PCDHGA2: variants seen among roughly 807,000 people sequenced by gnomAD.
PCDHGA2 encodes the protein protocadherin gamma-A2.
Under a neutral mutation model 59.2 loss-of-function variants are expected in PCDHGA2, and 40 were observed. The observed-to-expected ratio is 0.68, with a 90% confidence interval of 0.52 to 0.88. The LOEUF is 0.88. Ranked by LOEUF, PCDHGA2 falls within the 40% of genes least tolerant of loss-of-function variation. PCDHGA2 has a pLI of 0.00. For missense variants in PCDHGA2, 1,226 were observed against 1,204.0 expected (o/e 1.02, Z -0.27); for synonymous variants, 560 against 526.0 (o/e 1.06, Z -0.89).
At position 141,487,329 on chromosome 5, in the gene PCDHGA2, C is replaced by T; in HGVS notation, c.2425-7478C>T. On this transcript the variant is annotated intron_variant, in intron 1 of 3. Coordinates refer to ENST00000394576, the MANE Select transcript of PCDHGA2 (RefSeq NM_018915.4). This position sits in a 1 kb window ranked among gnomAD's most constrained non-coding sequence, Gnocchi z 5.0. Reference sequence around the variant, plus strand: ...CTACTCTCTAAGTGTCTTCGTGGGGCAGCCTGTGGAGTCACATGCTTTCCT... The same window carrying T: ...CTACTCTCTAAGTGTCTTCGTGGGGTAGCCTGTGGAGTCACATGCTTTCCT... 1 of 1,614,170 alleles carries T rather than the reference C, an allele frequency of 6.2e-7. No homozygotes were observed. The highest frequency in any genetic ancestry group is 1.1e-5 in the South Asian group (1 of 91,070).
chr5:141,389,321 G>T (rs570682726), intron 1 of PCDHGA2: 1 of 1,613,982 alleles, frequency 6.2e-7, no homozygotes. Context: ...ATCCGGACTT[G>T]GGGCCCAACG....
rs530001704 is a variant in PCDHGA2, at chr5:141,434,708, ATC to A, written c.2425-60095_2425-60094del. 3.9e-3 allele frequency among the ~76,000 whole-genome samples: 589 copies of A among 152,052 alleles called. 6 individuals are homozygous for A. The highest frequency in any genetic ancestry group is 0.011 in the Admixed American group (170 of 15,250). ...TTGCTGTTAATAAATATGTGGGTAA[ATC>A]TCTGTTCAGGGCTCTCAGCTCTGAA... On this transcript the variant is annotated intron_variant, in intron 1 of 3. Coordinates refer to ENST00000394576, the MANE Select transcript of PCDHGA2 (RefSeq NM_018915.4).
intron 1 of PCDHGA2, chr5:141,410,797 C>T: frequency 3.0e-6 from 2 of 675,992 alleles, no homozygotes; most frequent in South Asian, 3.2e-5. Flanking sequence ...TCATAAGTTG[C>T]TCTATCTTTT....
At position 141,431,303 on chromosome 5, in the gene PCDHGA2, G is replaced by T. The variant is rs777784010; in HGVS notation, c.2425-63504G>T. The T allele has an allele frequency of 1.2e-6, 2 of 1,614,060 alleles. No homozygotes were observed. Among genetic ancestry groups the T allele is most frequent in the Non-Finnish European group, 1.7e-6 (2 of 1,180,038 alleles). On this transcript the variant is annotated intron_variant, in intron 1 of 3. Coordinates refer to ENST00000394576, the MANE Select transcript of PCDHGA2 (RefSeq NM_018915.4). The surrounding 1 kb of genome is among the most constrained non-coding windows in gnomAD (Gnocchi z 4.8). ...CCCGAACACTCACTTCTCCCTCATC[G>T]TGCAAAATGGAGCCGACGGTAGTAA...
At chr5:141,364,210 C>T in intron 1 of PCDHGA2, 1 of 1,234,376 alleles carries the variant, frequency 8.1e-7, no homozygotes, top group East Asian at 2.6e-5. Flanking sequence ...AGACAAGCTC[C>T]TACGAAAAGC....
rs377547144 is a variant in PCDHGA2, at chr5:141,409,030, G to A, written c.2424+67635G>A. The stretch of plus-strand genomic sequence containing the variant: ...ACCAGGATGAGGGGGTCAATGCTGA[G>A]ATAAACTACTACTTCCGAAGCACTG... On this transcript the variant is annotated intron_variant, in intron 1 of 3. Transcript: ENST00000394576. 9.9e-6 allele frequency: 16 copies of A among 1,613,892 alleles called. No homozygotes were observed. The African/African-American group carries it at 2.0e-4, about 20-fold the overall frequency.
chr5:141,432,601 G>C lies in PCDHGA2; in HGVS notation c.2425-62206G>C. The C allele has an allele frequency of 6.2e-7, 1 of 1,613,952 alleles. No homozygotes were observed. The highest frequency in any genetic ancestry group is 8.5e-7 in the Non-Finnish European group (1 of 1,179,984). On this transcript the variant is annotated intron_variant, in intron 1 of 3. Coordinates refer to ENST00000394576, the MANE Select transcript of PCDHGA2 (RefSeq NM_018915.4). The surrounding 1 kb of genome is among the most constrained non-coding windows in gnomAD (Gnocchi z 6.0). ...ACCGTCTGCTCAAGGCCAGCGAGCC[G>C]GGACTCTTCTCGGTGGGTCTGCACA...
Position 141,413,864 on chromosome 5 carries a change from T to C in PCDHGA2, c.2424+72469T>C. 3 of 1,613,398 alleles carry C rather than the reference T, an allele frequency of 1.9e-6. No homozygotes were observed. The Admixed American group carries it at 5.0e-5, about 27-fold the overall frequency. ...GGTGACCCTCTCCGATCTGGCACTG[T>C]CCTTGTCAGTGTGACTGTCTTCGAT... On this transcript the variant is annotated intron_variant, in intron 1 of 3. Transcript: ENST00000394576.
At chr5:141,416,832 A>T (rs2154546669) in intron 1 of PCDHGA2, 1 of 152,168 alleles carries the variant, frequency 6.6e-6, no homozygotes, top group East Asian at 1.9e-4. Context: ...GTTTCTCAAG[A>T]CCCTTATAAT....
At chr5:141,388,569 C>T (rs368780854) in intron 1 of PCDHGA2, 7 of 1,613,862 alleles carry the variant, frequency 4.3e-6, no homozygotes, top group African/African-American at 1.3e-5. Context: ...TGCACAGATA[C>T]ACGTTCTAGT....
chr5:141,414,981 C>G (rs766434004), intron 1 of PCDHGA2: 12 of 1,613,722 alleles, frequency 7.4e-6, no homozygotes, highest in East Asian at 6.7e-5. Flanking sequence ...ACAGAGACTC[C>G]GGCCAGAACG....
chr5:141,409,567 G>A (rs974585499), intron 1 of PCDHGA2: 1 of 1,613,896 alleles, frequency 6.2e-7, no homozygotes, highest in African/African-American at 1.3e-5. Flanking sequence ...TCGACCAGAC[G>A]TCCTACGTGG....
chr5:141,372,258 C>A (rs762173867), intron 1 of PCDHGA2: 22 of 1,612,952 alleles, frequency 1.4e-5, no homozygotes, highest in Non-Finnish European at 1.9e-5. Context: ...CCTGGGCCTG[C>A]GCACGGGTGA....
intron 1 of PCDHGA2, among the ~76,000 whole-genome samples, chr5:141,406,925 G>A (rs1003832711): frequency 2.0e-5 from 3 of 152,268 alleles, no homozygotes; most frequent in African/African-American, 7.2e-5. Flanking sequence ...AGAGAATAAT[G>A]TATTATTTAA....
intron 1 of PCDHGA2, chr5:141,408,218 G>A: frequency 6.4e-7 from 1 of 1,557,454 alleles, no homozygotes; most frequent in South Asian, 1.2e-5. Context: ...AGGGAGCTGC[G>A]CGCAGAGGCG....
At position 141,432,995 on chromosome 5, in the gene PCDHGA2, G is replaced by A. The variant is rs576866505; in HGVS notation, c.2425-61812G>A. On this transcript the variant is annotated intron_variant, in intron 1 of 3. Transcript: ENST00000394576. This position sits in a 1 kb window ranked among gnomAD's most constrained non-coding sequence, Gnocchi z 6.0. ...GTCGCACTTTGTGGGCGTGGACGGGGTGCAGGCTTTCCTGCAGACCTATTC... is the reference window on the plus strand; with the variant it reads ...GTCGCACTTTGTGGGCGTGGACGGGATGCAGGCTTTCCTGCAGACCTATTC... The A allele has an allele frequency of 1.2e-6, 2 of 1,614,226 alleles. No individual in the cohort carries two copies. The highest frequency in any genetic ancestry group is 3.3e-5 in the Admixed American group (2 of 60,028).
chr5:141,482,160 T>G (rs577572891), intron 1 of PCDHGA2, among the ~76,000 whole-genome samples: 1 of 151,854 alleles, frequency 6.6e-6, no homozygotes, highest in Admixed American at 6.6e-5. Context: ...GTCAAAGATA[T>G]GTAAGATTAA....
intron 1 of PCDHGA2, among the ~76,000 whole-genome samples, chr5:141,447,276 A>G (rs2098532917): frequency 6.6e-6 from 1 of 151,994 alleles, no homozygotes; most frequent in South Asian, 2.1e-4. Flanking sequence ...AGTAGCTGGG[A>G]CTACAGGCAC....
rs762476625 is a variant in PCDHGA2 at position 141,420,218 on chromosome 5, C to A, written c.2425-74589C>A. On this transcript the variant is annotated intron_variant, in intron 1 of 3. Coordinates refer to ENST00000394576, the MANE Select transcript of PCDHGA2 (RefSeq NM_018915.4). The stretch of plus-strand genomic sequence containing the variant: ...AGATAACCTCAACAAAGATAGCATG[C>A]TACTGGCTAGCATTTTAACTCCCAG... 4 of 1,608,408 alleles carry A rather than the reference C, an allele frequency of 2.5e-6. No individual in the cohort carries two copies. In the South Asian group the frequency reaches 4.4e-5, roughly 18 times the overall value.
Sources: gnomAD v4.1 joint callset for allele counts (sites outside exome capture counted in the v4.1 genomes callset) on GRCh38, gnomAD v4.1.1 for gene constraint, Gnocchi (gnomAD v3.1) non-coding constraint, MANE v1.5 for transcripts, NCBI Gene and HGNC (gene_info 2026-07-23, HGNC 2026-07-21) for gene names.